ZRANB1: variants seen among roughly 807,000 people sequenced by gnomAD.
ZRANB1 encodes the protein ubiquitin thioesterase ZRANB1.
A neutral mutation model predicts 80.5 loss-of-function variants in ZRANB1; 16 were observed. The ratio of observed to expected loss-of-function variants is 0.20; its 90% CI spans 0.13 to 0.30. ZRANB1 has a LOEUF of 0.30. ZRANB1 is among the 10% of genes least tolerant of loss of function. ZRANB1 has a pLI of 1.00. For synonymous variants in ZRANB1, 291 were observed against 293.1 expected (o/e 0.99, Z 0.07); for missense variants, 576 against 862.6 (o/e 0.67, Z 4.16).
At chr10:124,928,780 T>C in the ZRANB1 span, among the ~76,000 whole-genome samples, 2 of 152,070 alleles carry the variant, frequency 1.3e-5, no homozygotes, top group Non-Finnish European at 2.9e-5. Context: ...GTGCAGAAAA[T>C]TAAAGTAGGG....
At chr10:124,979,726 C>G (rs958587525) in intron 5 of ZRANB1, among the ~76,000 whole-genome samples, 1 of 151,986 alleles carries the variant, frequency 6.6e-6, no homozygotes, top group Non-Finnish European at 1.5e-5. Flanking sequence ...CTAAATTCAC[C>G]TTTTTGCATG....
At chr10:124,979,509 CTTTAA>C (rs1170670342) in intron 5 of ZRANB1, among the ~76,000 whole-genome samples, 2 of 152,110 alleles carry the variant, frequency 1.3e-5, no homozygotes, top group Non-Finnish European at 2.9e-5. Context: ...AATCACGAGT[CTTTAA>C]TTTGATCAAG....
At chr10:124,978,304 T>C (rs1951898472) in intron 5 of ZRANB1, among the ~76,000 whole-genome samples, 1 of 152,152 alleles carries the variant, frequency 6.6e-6, no homozygotes, top group Admixed American at 6.5e-5. Flanking sequence ...AAAGATGCTC[T>C]TTGCTGAGGT....
chr10:124,920,619 T>C, the ZRANB1 span, among the ~76,000 whole-genome samples: 2 of 151,948 alleles, frequency 1.3e-5, no homozygotes, highest in Admixed American at 6.6e-5. Context: ...TTCTTTCTGT[T>C]TGAAATCCTC....
intron 1 of ZRANB1, among the ~76,000 whole-genome samples, chr10:124,944,583 T>C (rs1951564643): frequency 7.3e-6 from 1 of 137,192 alleles, no homozygotes; most frequent in Non-Finnish European, 1.5e-5. Context: ...CCTCCTGGGT[T>C]CAAGTGACCT....
chr10:124,962,899 T>C (rs1396702242), intron 1 of ZRANB1, among the ~76,000 whole-genome samples: 3 of 152,136 alleles, frequency 2.0e-5, no homozygotes, highest in Non-Finnish European at 2.9e-5. Flanking sequence ...TGTCCTTTTA[T>C]TTGTCTTCAT....
rs1276927804 is a variant in ZRANB1 at position 124,983,169 on chromosome 10, G to A, written c.1549-6G>A. 3.7e-6 allele frequency: 6 copies of A among 1,607,126 alleles called. No individual in the cohort carries two copies. Among genetic ancestry groups the A allele is most frequent in the Middle Eastern group, 1.7e-4 (1 of 6,016 alleles). ...ATGTTTTAAGTTTTTGTTTTGTTTC[G>A]TACAGCCTGGAGCAAGCTTGGAGCA... On this transcript the variant is annotated splice_region_variant and splice_polypyrimidine_tract_variant and intron_variant, in intron 6 of 8. Transcript: ENST00000359653. This position sits in a 1 kb window ranked among gnomAD's most constrained non-coding sequence, Gnocchi z 6.2.
chr10:124,965,759 C>CA (rs1264777595), intron 1 of ZRANB1, among the ~76,000 whole-genome samples: 1 of 152,170 alleles, frequency 6.6e-6, no homozygotes, highest in Non-Finnish European at 1.5e-5. Context: ...GGAAGCTAAT[C>CA]TACTGTTTCT....
At chr10:124,927,242 A>G in the ZRANB1 span, among the ~76,000 whole-genome samples, 1 of 152,224 alleles carries the variant, frequency 6.6e-6, no homozygotes, top group East Asian at 1.9e-4. Flanking sequence ...GGCGTGAGCC[A>G]CCGCGCCCGG....
chr10:124,962,211 C>T (rs1299023991), intron 1 of ZRANB1, among the ~76,000 whole-genome samples: 2 of 152,120 alleles, frequency 1.3e-5, no homozygotes, highest in African/African-American at 4.8e-5. Flanking sequence ...AGAGGAAAAC[C>T]ACATCTGCAT....
intron 1 of ZRANB1, among the ~76,000 whole-genome samples, chr10:124,954,679 C>G (rs993532792): frequency 6.7e-6 from 1 of 149,380 alleles, no homozygotes; most frequent in Non-Finnish European, 1.5e-5. Context: ...AACTCCTGAC[C>G]TCAGGTAATC....
intron 1 of ZRANB1, among the ~76,000 whole-genome samples, chr10:124,953,090 A>AT (rs1951655791): frequency 1.1e-5 from 1 of 87,710 alleles, no homozygotes; most frequent in Non-Finnish European, 2.5e-5. Context: ...GTGCCTGGCT[A>AT]ATTTTTTTTT....
the ZRANB1 span, among the ~76,000 whole-genome samples, chr10:124,918,998 T>G: frequency 6.6e-6 from 1 of 152,192 alleles, no homozygotes; most frequent in Admixed American, 6.5e-5. Context: ...CACCCATTTA[T>G]TTACTCTTGA....
chr10:124,954,867 C>T (rs954779441), intron 1 of ZRANB1, among the ~76,000 whole-genome samples: 13 of 151,468 alleles, frequency 8.6e-5, no homozygotes, highest in Admixed American at 2.6e-4. Context: ...CGGTTTCTCA[C>T]GCCTGTAATC....
intron 1 of ZRANB1, among the ~76,000 whole-genome samples, chr10:124,946,697 G>C (rs952290356): frequency 6.6e-6 from 1 of 152,114 alleles, no homozygotes; most frequent in African/African-American, 2.4e-5. Flanking sequence ...GTTTCTATGG[G>C]ATAGCCATAT....
At chr10:124,964,686 T>C (rs1048430982) in intron 1 of ZRANB1, among the ~76,000 whole-genome samples, 12 of 152,216 alleles carry the variant, frequency 7.9e-5, no homozygotes, top group African/African-American at 2.9e-4. Flanking sequence ...GTTTGGAACA[T>C]TTTTTATGTA....
chr10:124,942,031 T>G, upstream of ZRANB1: 39 of 404,672 alleles, frequency 9.6e-5, no homozygotes, highest in Non-Finnish European at 1.3e-4. Flanking sequence ...GTTCATAATT[T>G]GAGAATGGTT....
chr10:124,976,224 G>A (rs750379183), intron 5 of ZRANB1, among the ~76,000 whole-genome samples: 2 of 152,122 alleles, frequency 1.3e-5, no homozygotes, highest in Non-Finnish European at 2.9e-5. Flanking sequence ...TAGGTTCATC[G>A]GGCTGGGTAA....
At chr10:124,969,568 T>G (rs2134286943) in intron 2 of ZRANB1, among the ~76,000 whole-genome samples, 1 of 152,282 alleles carries the variant, frequency 6.6e-6, no homozygotes, top group Admixed American at 6.5e-5. Flanking sequence ...GTTGGTAGTT[T>G]CATGAAACTT....
Sources: gnomAD v4.1 joint callset for allele counts (sites outside exome capture counted in the v4.1 genomes callset) on GRCh38, gnomAD v4.1.1 for gene constraint, Gnocchi (gnomAD v3.1) non-coding constraint, MANE v1.5 for transcripts, NCBI Gene and HGNC (gene_info 2026-07-23, HGNC 2026-07-21) for gene names.